The following HMGB1 variants were observed in gnomAD, a reference collection of about 807,000 sequenced individuals.
The protein encoded by HMGB1 is high mobility group box 1.
For synonymous variants in HMGB1, 81 were observed against 84.0 expected (o/e 0.96, Z 0.19); for missense variants, 79 against 253.5 (o/e 0.31, Z 4.67).
chr13:30,569,988 T>C (rs931125009), intron 1 of HMGB1, among the ~76,000 whole-genome samples: 4 of 152,226 alleles, frequency 2.6e-5, no homozygotes, highest in East Asian at 1.9e-4. Context: ...TGCATGGGCT[T>C]TGGTAGGAGG....
At chr13:30,584,385 A>T (rs1253395360) in intron 1 of HMGB1, among the ~76,000 whole-genome samples, 1 of 152,200 alleles carries the variant, frequency 6.6e-6, no homozygotes, top group African/African-American at 2.4e-5. Context: ...TAGCGAAAGT[A>T]TTTATCCCAG....
intron 1 of HMGB1, among the ~76,000 whole-genome samples, chr13:30,488,752 C>T (rs1294977572): frequency 2.0e-5 from 3 of 151,114 alleles, no homozygotes; most frequent in Non-Finnish European, 2.9e-5. Flanking sequence ...CTCCTGGGCT[C>T]AAGAGATCCT....
In HMGB1 at chr13:30,583,783, G is replaced by A. The variant is rs575003625; in HGVS notation, c.-15+32888C>T. 2.4e-4 allele frequency among the ~76,000 whole-genome samples: 35 copies of A among 143,802 alleles called. No homozygotes were observed. The South Asian group carries it at 7.4e-3, about 31-fold the overall frequency. The allele number at this position is 143,802 out of a possible 152,430, so 94.3% of individuals were successfully genotyped here. On this transcript the variant is annotated intron_variant, in intron 1 of 4. Transcript: ENST00000405805. ...GAACCCGGGAGGCGAAGGTTGCAGT[G>A]AGCCAAGATTGCCTGGTGACAGAGC...
chr13:30,498,911 G>A (rs1364143063), intron 1 of HMGB1, among the ~76,000 whole-genome samples: 1 of 150,080 alleles, frequency 6.7e-6, no homozygotes, highest in Non-Finnish European at 1.5e-5. Context: ...GCCTCCTAAA[G>A]TGCTGGGATT....
At chr13:30,537,384 T>A (rs1356262483) in intron 1 of HMGB1, among the ~76,000 whole-genome samples, 2 of 151,952 alleles carry the variant, frequency 1.3e-5, no homozygotes, top group Admixed American at 1.3e-4. Context: ...TTTTACAAAA[T>A]GAACAAACAT....
intron 1 of HMGB1, among the ~76,000 whole-genome samples, chr13:30,557,230 A>G (rs550851500): frequency 4.8e-4 from 73 of 152,146 alleles, no homozygotes; most frequent in Non-Finnish European, 8.7e-4. Context: ...CTGAATTCCA[A>G]TTTTTTAAGG....
exon 1 of HMGB1, chr13:30,617,171 G>A (rs904757145): frequency 1.3e-5 from 2 of 152,220 alleles, no homozygotes; most frequent in African/African-American, 4.8e-5. Flanking sequence ...TAGTCAGAAC[G>A]GGTCGTGGAA....
At chr13:30,494,003 T>TA (rs560306711) in intron 1 of HMGB1, among the ~76,000 whole-genome samples, 1,753 of 146,722 alleles carry the variant, frequency 0.012, 22 homozygotes, top group South Asian at 0.036. Context: ...TAGCCTTTAT[T>TA]AAAAAAAAAA....
At chr13:30,526,106 G>A (rs1051546724) in intron 1 of HMGB1, among the ~76,000 whole-genome samples, 1 of 152,188 alleles carries the variant, frequency 6.6e-6, no homozygotes, top group Non-Finnish European at 1.5e-5. Flanking sequence ...GCCCAGGCTG[G>A]AAGGCAGTAG....
intron 1 of HMGB1, among the ~76,000 whole-genome samples, chr13:30,550,989 C>T (rs1253820530): frequency 6.6e-6 from 1 of 152,146 alleles, no homozygotes; most frequent in African/African-American, 2.4e-5. Flanking sequence ...CCAGGTAAAC[C>T]AGCCCAACAG....
At chr13:30,546,260 T>TACAGC (rs1869154404) in intron 1 of HMGB1, among the ~76,000 whole-genome samples, 1 of 152,024 alleles carries the variant, frequency 6.6e-6, no homozygotes, top group Admixed American at 6.5e-5. Context: ...GGACTACAGG[T>TACAGC]GTGCATCGCC....
chr13:30,484,675 G>T (rs755385878), intron 1 of HMGB1, among the ~76,000 whole-genome samples: 6 of 152,076 alleles, frequency 3.9e-5, no homozygotes, highest in Non-Finnish European at 5.9e-5. Context: ...TTCAAAACTA[G>T]CCTAGGAAAC....
intron 1 of HMGB1, among the ~76,000 whole-genome samples, chr13:30,575,704 C>G (rs926112979): frequency 1.3e-5 from 2 of 152,094 alleles, no homozygotes; most frequent in Non-Finnish European, 2.9e-5. Flanking sequence ...TGCTATGTAT[C>G]TAATGTGGGG....
intron 1 of HMGB1, among the ~76,000 whole-genome samples, chr13:30,538,609 TTCTC>T (rs1157208518): frequency 7.7e-6 from 1 of 129,812 alleles, no homozygotes; most frequent in Non-Finnish European, 1.5e-5. Flanking sequence ...TTTTCTTTCT[TTCTC>T]TTTCTCTCTC....
At chr13:30,556,789 A>G (rs145922391) in intron 1 of HMGB1, among the ~76,000 whole-genome samples, 65 of 152,392 alleles carry the variant, frequency 4.3e-4, no homozygotes, top group African/African-American at 1.5e-3. Flanking sequence ...TAAAAGATAC[A>G]AAATTATAGC....
chr13:30,465,095 C>T (rs2137408680), intron 1 of HMGB1: 5 of 930,764 alleles, frequency 5.4e-6, no homozygotes, highest in East Asian at 1.2e-4. Context: ...GCGCCCAGCT[C>T]CCCCGCCCGC....
rs1412439979 is a variant in HMGB1, at chr13:30,559,277, T to G, written c.-15+57394A>C. 6.6e-6 allele frequency among the ~76,000 whole-genome samples: 1 copy of G among 152,058 alleles called. No homozygotes were observed. The highest frequency in any genetic ancestry group is 1.5e-5 in the Non-Finnish European group (1 of 68,004). ...GTGCTTCCTGTGCTTCTAGAGTGGC[T>G]AGGGAAGCACACTATGGGACAACCT... On this transcript the variant is annotated intron_variant, in intron 1 of 4. Transcript: ENST00000405805. The surrounding 1 kb of genome is among the most constrained non-coding windows in gnomAD (Gnocchi z 6.6).
intron 1 of HMGB1, chr13:30,554,726 C>G: frequency 1.3e-6 from 1 of 769,372 alleles, no homozygotes; most frequent in Admixed American, 1.7e-5. Flanking sequence ...TTCTAGAGGA[C>G]AGAAAGGCCA....
chr13:30,475,459 T>C (rs1207382317), intron 1 of HMGB1, among the ~76,000 whole-genome samples: 1 of 151,080 alleles, frequency 6.6e-6, no homozygotes, highest in Non-Finnish European at 1.5e-5. Context: ...GTGATCTGCC[T>C]GTCTCAGCCT....
Sources: allele counts gnomAD v4.1 joint callset (sites outside exome capture counted in the v4.1 genomes callset), GRCh38; gene constraint gnomAD v4.1.1; non-coding constraint Gnocchi (gnomAD v3.1); transcripts MANE v1.5; gene names NCBI Gene and HGNC (gene_info 2026-07-23, HGNC 2026-07-21).